DNAH17: variants seen among roughly 807,000 people sequenced by gnomAD.
DNAH17 encodes the protein axonemal beta dynein heavy chain 17.
A neutral mutation model predicts 485.6 loss-of-function variants in DNAH17; 376 were observed. The observed-to-expected ratio is 0.77, with a 90% CI of 0.71 to 0.84. The LOEUF (loss-of-function observed/expected upper bound fraction) is 0.84. DNAH17 is among the 40% of genes least tolerant of loss of function. The probability of loss-of-function intolerance (pLI) is 0.00; values close to 1 mark genes in which losing one functional copy is unlikely to be tolerated. For missense variants in DNAH17, 6,370 were observed against 5,839.3 expected (o/e 1.09, Z -2.96); for synonymous variants, 3,031 against 2,405.9 (o/e 1.26, Z -7.60).
At chr17:78,479,227 A>G in intron 50 of DNAH17, 111 bp from the exon 51 acceptor site, 2 of 1,150,326 alleles carry the variant, frequency 1.7e-6, no homozygotes. Context: ...AACTGGAGTA[A>G]GAAATCTGCA....
intron 25 of DNAH17, among the ~76,000 whole-genome samples, chr17:78,523,750 T>A (rs1355411956): frequency 1.3e-5 from 2 of 151,706 alleles, no homozygotes; most frequent in African/African-American, 4.8e-5. Context: ...TACATAGAAA[T>A]GTAAAAATTA....
At chr17:78,437,305 C>T (rs1215068824) in intron 74 of DNAH17, among the ~76,000 whole-genome samples, 1 of 152,210 alleles carries the variant, frequency 6.6e-6, no homozygotes, top group Non-Finnish European at 1.5e-5. Context: ...GCCCCATTTC[C>T]AAGGACCAGT....
chr17:78,431,412 T>G (rs1598438026), intron 75 of DNAH17, among the ~76,000 whole-genome samples: 1 of 148,342 alleles, frequency 6.7e-6, no homozygotes, highest in African/African-American at 2.5e-5. Flanking sequence ...GGGGTGGGGG[T>G]GAGTGCTGTC....
intron 69 of DNAH17, among the ~76,000 whole-genome samples, chr17:78,446,627 AATTTATTTTATT>A (rs977498568): frequency 8.6e-5 from 12 of 139,550 alleles, no homozygotes; most frequent in African/African-American, 3.5e-4. Context: ...TGATTTTTTA[AATTTATTTTATT>A]ATTTATTATT....
At chr17:78,506,886 A>ACT in intron 29 of DNAH17, 40 bp from the exon 30 acceptor site, 1 of 1,612,402 alleles carries the variant, frequency 6.2e-7, no homozygotes, top group East Asian at 2.2e-5. Flanking sequence ...CGGTGACCCT[A>ACT]CTCTGTAGGG....
At position 78,428,581 on chromosome 17, in the gene DNAH17, T is replaced by C; in HGVS notation, c.12532A>G (p.Met4178Val). The C allele has an allele frequency of 6.2e-7, 1 of 1,613,944 alleles. No individual in the cohort carries two copies. The highest frequency in any genetic ancestry group is 8.5e-7 in the Non-Finnish European group (1 of 1,179,866). Residue 4178 changes from methionine (M) to valine (V), a missense_variant, in exon 77 of 81, where the codon ATG (methionine) becomes GTG (valine). Coordinates refer to ENST00000389840, the MANE Select transcript of DNAH17 (RefSeq NM_173628.4). ...CCCGAGTCCGTCTCTTTTGGCTGCA[T>C]TTCCAGGACAGTGCGGAACAGCTTC... ...SEKLFRTVLE[M>V]QPKETDSGAG... is the part of the protein sequence containing the mutation.
intron 51 of DNAH17, among the ~76,000 whole-genome samples, chr17:78,477,984 CCACCATCACCACCACCATCATCACCAT>C (rs1275662977): frequency 7.4e-6 from 1 of 134,308 alleles, no homozygotes; most frequent in Non-Finnish European, 1.5e-5. Context: ...ATCATCATCA[CCACCATCACCACCACCATCATCACCAT>C]CATCACCATC....
intron 55 of DNAH17, among the ~76,000 whole-genome samples, chr17:78,468,030 AAAAGAGAG>A (rs1568099095): frequency 9.7e-6 from 1 of 102,680 alleles, no homozygotes; most frequent in Non-Finnish European, 2.3e-5. Flanking sequence ...AAAAAAAAAA[AAAAGAGAG>A]AGAGAGAGAG....
At chr17:78,541,913 G>C (rs1283996760) in intron 17 of DNAH17, among the ~76,000 whole-genome samples, 1 of 152,082 alleles carries the variant, frequency 6.6e-6, no homozygotes, top group African/African-American at 2.4e-5. Flanking sequence ...TGGCAGGGAG[G>C]GGAGGGATGG....
At chr17:78,530,603 G>A in intron 20 of DNAH17, 91 bp from the exon 21 acceptor site, 2 of 1,393,754 alleles carry the variant, frequency 1.4e-6, no homozygotes, top group South Asian at 2.8e-5. Flanking sequence ...TTCCTGCACT[G>A]CACCTGCGCT....
At chr17:78,501,389 GCTAGGGCTGC>G (rs763604206) in intron 34 of DNAH17, 45 bp from the exon 35 acceptor site, 4 of 1,551,506 alleles carry the variant, frequency 2.6e-6, no homozygotes, top group East Asian at 2.3e-5. Context: ...GAATACAAGA[GCTAGGGCTGC>G]CTAAGGAAGG....
At chr17:78,545,759 G>A (rs1257037137) in intron 16 of DNAH17, among the ~76,000 whole-genome samples, 1 of 151,946 alleles carries the variant, frequency 6.6e-6, no homozygotes, top group Non-Finnish European at 1.5e-5. Context: ...TCTTCTAATA[G>A]CTTTTGCTTT....
chr17:78,424,825 G>C (rs58468599), intron 80 of DNAH17: 1 of 155,424 alleles, frequency 6.4e-6, no homozygotes, highest in African/African-American at 2.4e-5. Flanking sequence ...CGGTGTCCTG[G>C]CTGACCTCTT....
intron 20 of DNAH17, among the ~76,000 whole-genome samples, chr17:78,532,121 A>G (rs1308601912): frequency 6.6e-6 from 1 of 152,162 alleles, no homozygotes; most frequent in Non-Finnish European, 1.5e-5. Context: ...CAGCCCCTAT[A>G]GCCTAGAGCC....
intron 11 of DNAH17, among the ~76,000 whole-genome samples, chr17:78,563,828 C>G (rs1452980490): frequency 6.6e-6 from 1 of 151,970 alleles, no homozygotes; most frequent in Non-Finnish European, 1.5e-5. Flanking sequence ...GGCTGTCAAA[C>G]CAGGGGGAAA....
chr17:78,453,616 C>CT (rs1166636118), intron 64 of DNAH17, among the ~76,000 whole-genome samples, 151 bp from the exon 65 acceptor site: 1 of 152,262 alleles, frequency 6.6e-6, no homozygotes, highest in African/African-American at 2.4e-5. Context: ...ACAGCTCGCC[C>CT]TTTCCTGAAA....
rs370047444 is a variant in DNAH17, at chr17:78,437,802, T to C, written c.11872A>G (p.Ser3958Gly). 3.1e-6 allele frequency: 5 copies of C among 1,612,432 alleles called. No homozygotes were observed. In the African/African-American group the frequency reaches 6.7e-5, roughly 22 times the overall value. ...DKKLEHYSTG[S>G]HEDYRVFISA... Reference sequence around the variant, plus strand: ...ATGAACACCCGGTAGTCCTCATGGCTGCCCGTGCTGTAGTGCTCCAGCTTC... The same window carrying C: ...ATGAACACCCGGTAGTCCTCATGGCCGCCCGTGCTGTAGTGCTCCAGCTTC... The change falls in exon 74 of 81, where the codon AGC becomes GGC. Residue 3958 changes from serine (S) to glycine (G), a missense_variant. By Grantham distance (56) the Ser-to-Gly change is moderately conservative (BLOSUM62 0). Transcript: ENST00000389840.
chr17:78,572,962 G>A, intron 2 of DNAH17, 68 bp from the exon 3 acceptor site: 1 of 1,425,152 alleles, frequency 7.0e-7, no homozygotes, highest in Non-Finnish European at 9.5e-7. Context: ...CACAGAGCCA[G>A]GTCCCCGGGG....
intron 61 of DNAH17, 59 bp from the exon 62 acceptor site, chr17:78,458,739 C>T: frequency 1.4e-6 from 2 of 1,446,246 alleles, no homozygotes; most frequent in African/African-American, 1.4e-5. Context: ...TAGCCCCCTG[C>T]AGCGGCAGCA....
Sources: allele counts gnomAD v4.1 joint callset (sites outside exome capture counted in the v4.1 genomes callset), GRCh38; gene constraint gnomAD v4.1.1; transcripts MANE v1.5; gene names NCBI Gene and HGNC (gene_info 2026-07-23, HGNC 2026-07-21).